Variants in EVI5 observed in about 807,000 individuals in gnomAD.
The protein encoded by EVI5 is ecotropic viral integration site 5, also known as ecotropic viral integration site 5 protein homolog.
In EVI5, 73 loss-of-function variants were observed where a neutral mutation model predicts 112.0. The observed-to-expected ratio is 0.65, with a 90% confidence interval of 0.54 to 0.79. The LOEUF (loss-of-function observed/expected upper bound fraction) is 0.79, where lower values mean the gene tolerates loss of function less well. Among genes scored for constraint, EVI5 ranks in the 30% least tolerant of loss-of-function variants. The probability of loss-of-function intolerance (pLI) is 0.00; values close to 1 mark genes in which losing one functional copy is unlikely to be tolerated. For missense variants in EVI5, 900 were observed against 968.8 expected (o/e 0.93, Z 0.94); for synonymous variants, 305 against 319.9 (o/e 0.95, Z 0.50).
Position 92,614,769 on chromosome 1 carries a change from C to CATAT in EVI5, c.1828-7046_1828-7043dup, listed in dbSNP as rs56763837. On this transcript the variant is annotated intron_variant, in intron 16 of 19. Transcript: ENST00000684568. ...CGTGTAAGTTAATACTTAATAAACT[C>CATAT]ATATATATATATATGAGTTATATAT... is the stretch of plus-strand genomic sequence containing the variant. 2.1e-3 allele frequency among the ~76,000 whole-genome samples: 308 copies of CATAT among 145,086 alleles called. 3 individuals are homozygous for CATAT. The highest frequency in any genetic ancestry group is 7.3e-3 in the African/African-American group (282 of 38,794).
At chr1:92,585,527 G>T (rs1468720021) in intron 18 of EVI5, among the ~76,000 whole-genome samples, 2 of 151,896 alleles carry the variant, frequency 1.3e-5, no homozygotes. Flanking sequence ...AGGTCTAAAA[G>T]GTAGAAAATA....
rs1033050570 is a variant in EVI5, at chr1:92,694,140, T to G, written c.999+159A>C. ...AGCCAGGTGTAGTGGTGCATGCTTG[T>G]AATTCCAGCTACACAGAAGGCTGAA... On this transcript the variant is annotated intron_variant, in intron 8 of 19. Transcript: ENST00000684568. 5.9e-5 allele frequency among the ~76,000 whole-genome samples: 9 copies of G among 151,990 alleles called. 1 individual carries two copies. Among genetic ancestry groups the G allele is most frequent in the Admixed American group, 3.9e-4 (6 of 15,258 alleles).
chr1:92,721,073 TTGG>T lies in EVI5; in HGVS notation c.149+15322_149+15324del, dbSNP rs1447405046. Among the ~76,000 whole-genome samples, 16 of 152,274 alleles carry T rather than the reference TTGG, an allele frequency of 1.1e-4. No homozygotes were observed. In the East Asian group the frequency reaches 3.1e-3, roughly 29 times the overall value. On this transcript the variant is annotated intron_variant, in intron 2 of 19. Transcript: ENST00000684568. The stretch of plus-strand genomic sequence containing the variant: ...GAGAAATAGGAATGCTTTTACACTG[TTGG>T]TGGGAGTGTAAATTAGTTCAACCAT...
chr1:92,766,704 T>C (rs1453492965), intron 1 of EVI5, among the ~76,000 whole-genome samples: 1 of 152,208 alleles, frequency 6.6e-6, no homozygotes, highest in Non-Finnish European at 1.5e-5. Flanking sequence ...CCTCCTTATC[T>C]GAGGTTTCAC....
At chr1:92,578,540 C>A (rs1407538719) in intron 18 of EVI5, among the ~76,000 whole-genome samples, 1 of 145,832 alleles carries the variant, frequency 6.9e-6, no homozygotes, top group African/African-American at 2.8e-5. Flanking sequence ...ACGGTGAAAC[C>A]CCGTATCTAC....
chr1:92,648,190 C>CAAAAAAAAAAAA (rs961901260), intron 13 of EVI5, among the ~76,000 whole-genome samples: 9 of 24,064 alleles, frequency 3.7e-4, no homozygotes, highest in African/African-American at 5.7e-4. Context: ...ACTAAAAATA[C>CAAAAAAAAAAAA]AAAAAAAAAA....
chr1:92,719,126 G>A (rs979939032), intron 2 of EVI5, among the ~76,000 whole-genome samples: 15 of 152,080 alleles, frequency 9.9e-5, no homozygotes, highest in Admixed American at 9.8e-4. Context: ...ACAAAGAGGA[G>A]ATGGTACCAT....
intron 11 of EVI5, among the ~76,000 whole-genome samples, chr1:92,665,198 C>T (rs1045558634): frequency 2.0e-5 from 3 of 152,006 alleles, no homozygotes; most frequent in African/African-American, 4.8e-5. Context: ...GAGCGAGACT[C>T]TCTCTCAAAA....
chr1:92,688,778 T>C (rs895187997), intron 9 of EVI5, among the ~76,000 whole-genome samples: 4 of 152,212 alleles, frequency 2.6e-5, no homozygotes, highest in African/African-American at 9.6e-5. Flanking sequence ...ATCTCTAACA[T>C]ATAATTTTAA....
At chr1:92,558,712 T>A (rs1422860828) in intron 19 of EVI5, among the ~76,000 whole-genome samples, 5 of 151,204 alleles carry the variant, frequency 3.3e-5, no homozygotes, top group African/African-American at 1.2e-4. Flanking sequence ...TATGAAACCA[T>A]CCAAAGAAGG....
chr1:92,590,654 G>A (rs1673668092), intron 18 of EVI5, among the ~76,000 whole-genome samples: 1 of 152,328 alleles, frequency 6.6e-6, no homozygotes, highest in Non-Finnish European at 1.5e-5. Context: ...ACCTGAAAGT[G>A]ACGGGGAGAA....
chr1:92,776,933 G>A (rs1483638562), intron 1 of EVI5, among the ~76,000 whole-genome samples: 4 of 151,996 alleles, frequency 2.6e-5, no homozygotes, highest in African/African-American at 4.8e-5. Flanking sequence ...CTCCCGAGTA[G>A]CTGGGACTAC....
At chr1:92,517,884 GC>G (rs1388747469) in intron 19 of EVI5, among the ~76,000 whole-genome samples, 2 of 132,452 alleles carry the variant, frequency 1.5e-5, no homozygotes, top group African/African-American at 2.9e-5. Context: ...AATATTATAT[GC>G]TTTTTTTTTT....
intron 16 of EVI5, among the ~76,000 whole-genome samples, chr1:92,615,858 C>A (rs985818577): frequency 2.0e-5 from 3 of 152,012 alleles, no homozygotes; most frequent in African/African-American, 4.8e-5. Flanking sequence ...TTGAAAAAAA[C>A]CAAGTTCTCT....
chr1:92,745,593 C>T (rs1679139190), intron 1 of EVI5, among the ~76,000 whole-genome samples: 2 of 152,116 alleles, frequency 1.3e-5, no homozygotes, highest in South Asian at 4.1e-4. Flanking sequence ...GCAGGAGGAT[C>T]ACTTGAGATC....
chr1:92,683,755 G>A (rs1245441027), intron 9 of EVI5, among the ~76,000 whole-genome samples: 4 of 152,108 alleles, frequency 2.6e-5, no homozygotes, highest in Non-Finnish European at 5.9e-5. Flanking sequence ...AGAACTTCGT[G>A]ACACATGCAC....
At chr1:92,655,872 TGCCTTGG>T in intron 13 of EVI5, among the ~76,000 whole-genome samples, 1 of 152,086 alleles carries the variant, frequency 6.6e-6, no homozygotes, top group Non-Finnish European at 1.5e-5. Flanking sequence ...CCTGAGACAG[TGCCTTGG>T]AAACAAAAAT....
At chr1:92,693,188 C>G (rs1012230796) in intron 9 of EVI5, among the ~76,000 whole-genome samples, 2 of 152,016 alleles carry the variant, frequency 1.3e-5, no homozygotes, top group Non-Finnish European at 2.9e-5. Context: ...TCTGTCTCTA[C>G]AAAACAAATT....
chr1:92,606,452 TG>T (rs1318204188), intron 17 of EVI5, among the ~76,000 whole-genome samples: 1 of 152,230 alleles, frequency 6.6e-6, no homozygotes, highest in African/African-American at 2.4e-5. Flanking sequence ...AATCAGATAT[TG>T]GTATGACAAA....
Sources: gnomAD v4.1 joint callset for allele counts (sites outside exome capture counted in the v4.1 genomes callset) on GRCh38, gnomAD v4.1.1 for gene constraint, MANE v1.5 for transcripts, NCBI Gene and HGNC (gene_info 2026-07-23, HGNC 2026-07-21) for gene names.